Variants in PLEKHH2 observed in about 807,000 individuals in gnomAD.
The protein encoded by PLEKHH2 is pleckstrin homology, MyTH4 and FERM domain containing H2, also known as pleckstrin homology domain-containing family H member 2.
A neutral mutation model predicts 187.9 loss-of-function variants in PLEKHH2; 129 were observed. The ratio of observed to expected loss-of-function variants is 0.69; its 90% CI spans 0.59 to 0.79. The LOEUF (loss-of-function observed/expected upper bound fraction) is 0.79, where lower values mean the gene tolerates loss of function less well. Ranked by LOEUF, PLEKHH2 falls within the 30% of genes least tolerant of loss-of-function variation. PLEKHH2 has a pLI of 0.00. For synonymous variants in PLEKHH2, 686 were observed against 605.6 expected (o/e 1.13, Z -1.95); for missense variants, 2,076 against 1,751.2 (o/e 1.19, Z -3.31).
intron 6 of PLEKHH2, among the ~76,000 whole-genome samples, chr2:43,695,993 T>C (rs1440446919): frequency 6.6e-6 from 1 of 152,180 alleles, no homozygotes; most frequent in Admixed American, 6.5e-5. Context: ...GCAAATGTCA[T>C]AACTCAGTTC....
intron 24 of PLEKHH2, among the ~76,000 whole-genome samples, chr2:43,752,327 G>T (rs189278183): frequency 6.6e-6 from 1 of 152,160 alleles, no homozygotes; most frequent in African/African-American, 2.4e-5. Context: ...TTGTCTTTGT[G>T]TAGTCATCAT....
At chr2:43,696,487 C>CAA (rs11380251) in intron 6 of PLEKHH2, among the ~76,000 whole-genome samples, 228 of 112,676 alleles carry the variant, frequency 2.0e-3, no homozygotes, top group Non-Finnish European at 2.6e-3. Flanking sequence ...CACCCTGTCT[C>CAA]AAAAAAAAAA....
In PLEKHH2 at chr2:43,688,878, C is replaced by T. The variant is rs550637422; in HGVS notation, c.187-3636C>T. The stretch of plus-strand genomic sequence containing the variant: ...TTGCCAACAAATAAGCTTACTCAAG[C>T]CTTGGTGTCCAGGATTTTTATTAGA... On this transcript the variant is annotated intron_variant, in intron 3 of 29. Coordinates refer to ENST00000282406, the MANE Select transcript of PLEKHH2 (RefSeq NM_172069.4). Among the ~76,000 whole-genome samples the T allele has an allele frequency of 1.3e-5, 2 of 152,206 alleles. 1 individual carries two copies. The highest frequency in any genetic ancestry group is 4.8e-5 in the African/African-American group (2 of 41,540).
chr2:43,711,075 G>A (rs189474118), intron 14 of PLEKHH2: 1 of 986,612 alleles, frequency 1.0e-6, no homozygotes, highest in East Asian at 1.1e-4. Context: ...AGGGGCAGCT[G>A]CTGCCCATTT....
chr2:43,681,032 A>T (rs185063332), intron 3 of PLEKHH2: 3 of 1,280,016 alleles, frequency 2.3e-6, no homozygotes, highest in Non-Finnish European at 2.1e-6. Context: ...CAGAATGCCA[A>T]CTGGAATTCC....
chr2:43,687,720 G>A (rs1668588458), intron 3 of PLEKHH2, among the ~76,000 whole-genome samples: 2 of 151,984 alleles, frequency 1.3e-5, no homozygotes, highest in African/African-American at 2.4e-5. Flanking sequence ...TGTTTGATTT[G>A]CATTTCTCTG....
At chr2:43,648,944 T>A (rs528639092) in intron 2 of PLEKHH2, among the ~76,000 whole-genome samples, 1 of 152,350 alleles carries the variant, frequency 6.6e-6, no homozygotes, top group South Asian at 2.1e-4. Context: ...ATATGTGAGA[T>A]GATCTAGGTG....
intron 2 of PLEKHH2, chr2:43,675,346 GAC>G: frequency 6.8e-7 from 1 of 1,479,158 alleles, no homozygotes. Context: ...AGTGCTCTTG[GAC>G]AGCACAGGTC....
intron 1 of PLEKHH2, among the ~76,000 whole-genome samples, chr2:43,643,530 G>T (rs1046058475): frequency 6.6e-6 from 1 of 152,082 alleles, no homozygotes; most frequent in Non-Finnish European, 1.5e-5. Flanking sequence ...TTAAAAACTG[G>T]TGTAGGATTA....
intron 16 of PLEKHH2, among the ~76,000 whole-genome samples, chr2:43,722,826 G>C (rs1035999302): frequency 1.3e-5 from 2 of 152,092 alleles, no homozygotes; most frequent in African/African-American, 4.8e-5. Flanking sequence ...AAAATGGATA[G>C]CATTGATCAC....
intron 2 of PLEKHH2, among the ~76,000 whole-genome samples, chr2:43,656,787 G>T (rs1051796250): frequency 5.9e-5 from 9 of 152,234 alleles, no homozygotes; most frequent in African/African-American, 9.6e-5. Context: ...GGAGGCTGAG[G>T]CGGGTGGATC....
At chr2:43,671,899 G>A (rs1164787309) in intron 2 of PLEKHH2, among the ~76,000 whole-genome samples, 4 of 152,102 alleles carry the variant, frequency 2.6e-5, no homozygotes, top group East Asian at 1.9e-4. Flanking sequence ...AAGGATATTC[G>A]TCTTTTTCTG....
At chr2:43,742,230 G>A (rs963847098) in intron 21 of PLEKHH2, among the ~76,000 whole-genome samples, 11 of 152,056 alleles carry the variant, frequency 7.2e-5, no homozygotes, top group Non-Finnish European at 1.5e-4. Flanking sequence ...TTGAACTCTC[G>A]ACCTCAGGTG....
intron 3 of PLEKHH2, among the ~76,000 whole-genome samples, chr2:43,690,225 C>G (rs919536968): frequency 7.2e-5 from 11 of 152,286 alleles, no homozygotes; most frequent in Admixed American, 5.2e-4. Context: ...CTGATGCAGA[C>G]CTTTGTCTTG....
At chr2:43,717,925 G>A (rs953444096) in intron 15 of PLEKHH2, among the ~76,000 whole-genome samples, 1 of 152,180 alleles carries the variant, frequency 6.6e-6, no homozygotes, top group Non-Finnish European at 1.5e-5. Context: ...TCATCCAAGA[G>A]TTTCACCTTG....
At chr2:43,637,725 G>A (rs1574455607) in intron 1 of PLEKHH2, among the ~76,000 whole-genome samples, 1 of 152,316 alleles carries the variant, frequency 6.6e-6, no homozygotes, top group East Asian at 1.9e-4. Flanking sequence ...GGCGCAGCGG[G>A]GCAGCCCAGG....
At chr2:43,717,369 G>A (rs1670262733) in intron 15 of PLEKHH2, among the ~76,000 whole-genome samples, 1 of 152,178 alleles carries the variant, frequency 6.6e-6, no homozygotes, top group Admixed American at 6.5e-5. Context: ...AGTGAGCCAA[G>A]ATTGTGCCAC....
chr2:43,703,981 G>A lies in PLEKHH2; in HGVS notation c.1651G>A (p.Glu551Lys), dbSNP rs1168494607. ...TPPLHRFPSW[E>K]SRIYAVAKSG... ...GTTCAAACTCTCTCTTTTACCCTAG[G>A]AAAGCAGAATTTATGCTGTAGCCAA... The change falls in exon 9 of 30, where the codon GAA (glutamate) becomes AAA (lysine). Residue 551 changes from glutamate (E) to lysine (K), a missense_variant and splice_region_variant. Coordinates refer to ENST00000282406, the MANE Select transcript of PLEKHH2 (RefSeq NM_172069.4). 6.7e-7 allele frequency: 1 copy of A among 1,484,388 alleles called. No individual in the cohort carries two copies. Among genetic ancestry groups the A allele is most frequent in the Non-Finnish European group, 9.2e-7 (1 of 1,089,908 alleles). The allele number at this position is 1,484,388 out of a possible 1,614,324, so 92.0% of individuals were successfully genotyped here.
At chr2:43,639,517 C>T (rs1300895497) in intron 1 of PLEKHH2, among the ~76,000 whole-genome samples, 1 of 152,192 alleles carries the variant, frequency 6.6e-6, no homozygotes, top group Non-Finnish European at 1.5e-5. Flanking sequence ...TGGACTCATA[C>T]AATATGTGGC....
Sources: allele counts gnomAD v4.1 joint callset (sites outside exome capture counted in the v4.1 genomes callset), GRCh38; gene constraint gnomAD v4.1.1; transcripts MANE v1.5; gene names NCBI Gene and HGNC (gene_info 2026-07-23, HGNC 2026-07-21).